The following SLCO1C1 variants were observed in gnomAD, a reference collection of about 807,000 sequenced individuals.
SLCO1C1 encodes OAT-RP-5.
A neutral mutation model predicts 76.4 loss-of-function variants in SLCO1C1; 70 were observed. The ratio of observed to expected loss-of-function variants is 0.92; its 90% CI spans 0.76 to 1.12. The LOEUF is 1.12. SLCO1C1 is among the 50% of genes most tolerant of loss of function. SLCO1C1 has a pLI of 0.00. For missense variants in SLCO1C1, 912 were observed against 823.8 expected, an observed-to-expected ratio of 1.11 and a Z score of -1.31; for synonymous variants, 306 against 286.1, an observed-to-expected ratio of 1.07 and a Z score of -0.70.
Position 20,752,630 on chromosome 12 carries a change from C to T in SLCO1C1, c.*102C>T, listed in dbSNP as rs535936248. On this transcript the variant is annotated 3_prime_UTR_variant, in exon 15 of 15. Coordinates refer to ENST00000266509, the MANE Select transcript of SLCO1C1 (RefSeq NM_017435.5). ...TAAATTTGTAATTTCTTTCTCCTTT[C>T]AAAAAATGTCTACTTTGTTTTGGTC... The T allele has an allele frequency of 1.0e-6, 1 of 956,668 alleles. No individual in the cohort carries two copies. The highest frequency in any genetic ancestry group is 3.0e-5 in the Admixed American group (1 of 32,904). 59.3% of individuals were successfully genotyped at this position (956,668 alleles called of 1,614,324 possible). A position where few individuals can be genotyped will look rare whatever the true frequency, so the allele number is the denominator to read the frequency against.
intron 12 of SLCO1C1, 52 bp downstream of exon 12, chr12:20,740,420 G>C (rs12368368): frequency 0.54 from 809,039 of 1,498,248 alleles, 226,482 homozygotes; most frequent in South Asian, 0.63. Context: ...CAATCATCTC[G>C]AGCAATGATT....
intron 12 of SLCO1C1, among the ~76,000 whole-genome samples, chr12:20,741,525 G>C (rs915619057): frequency 6.6e-6 from 1 of 151,936 alleles, no homozygotes; most frequent in Non-Finnish European, 1.5e-5. Context: ...ACATCACCTG[G>C]GTCAGAATTG....
intron 13 of SLCO1C1, among the ~76,000 whole-genome samples, chr12:20,745,881 A>T (rs2120914451): frequency 6.6e-6 from 1 of 152,252 alleles, no homozygotes; most frequent in South Asian, 2.1e-4. Context: ...AACTTAAAAC[A>T]TCAATATGAA....
Position 20,733,000 on chromosome 12 carries a change from A to G in SLCO1C1, c.1278A>G (p.Lys426=). 1 of 1,613,328 alleles carries G rather than the reference A, an allele frequency of 6.2e-7. No homozygotes were observed. The highest frequency in any genetic ancestry group is 8.5e-7 in the Non-Finnish European group (1 of 1,179,784). ...GAATCAGTGTGTGTGGAGCTGCAAA[A>G]CTCTACTTGGGATCATCTGTCTTTG... The part of the protein sequence containing the change: ...KFRISVCGAA[K]LYLGSSVFGY... Residue 426 remains lysine, a synonymous_variant, in exon 10 of 15, where the codon AAA becomes AAG. Transcript: ENST00000266509.
At chr12:20,702,482 C>A (rs1481242582) in intron 3 of SLCO1C1, among the ~76,000 whole-genome samples, 1 of 151,844 alleles carries the variant, frequency 6.6e-6, no homozygotes, top group Non-Finnish European at 1.5e-5. Flanking sequence ...TTTTAAAAAT[C>A]TTTTTTTAAA....
Position 20,700,794 on chromosome 12 carries a change from A to C in SLCO1C1, c.130-524A>C, listed in dbSNP as rs560035871. Among the ~76,000 whole-genome samples, 3 of 152,236 alleles carry C rather than the reference A, an allele frequency of 2.0e-5. No individual in the cohort carries two copies. In the South Asian group the frequency reaches 6.2e-4, roughly 32 times the overall value. ...ATCAAAGACATGTTTTCCATTGAGAAAAATATTTGACTATGAATTTAATAA... is the reference window on the plus strand; with the variant it reads ...ATCAAAGACATGTTTTCCATTGAGACAAATATTTGACTATGAATTTAATAA... On this transcript the variant is annotated intron_variant, in intron 2 of 14. Coordinates refer to ENST00000266509, the MANE Select transcript of SLCO1C1 (RefSeq NM_017435.5).
intron 4 of SLCO1C1, among the ~76,000 whole-genome samples, chr12:20,707,007 A>T (rs1264959927): frequency 6.6e-6 from 1 of 151,734 alleles, no homozygotes; most frequent in African/African-American, 2.4e-5. Flanking sequence ...TCTAGTCTGA[A>T]CTTTTTCTTG....
chr12:20,747,903 A>T (rs1026063774), intron 13 of SLCO1C1, among the ~76,000 whole-genome samples: 2 of 152,194 alleles, frequency 1.3e-5, no homozygotes, highest in Non-Finnish European at 2.9e-5. Flanking sequence ...ATCAATACAC[A>T]GCTCATCTTA....
chr12:20,732,539 A>G (rs1323928021), intron 9 of SLCO1C1, among the ~76,000 whole-genome samples: 3 of 152,226 alleles, frequency 2.0e-5, no homozygotes, highest in South Asian at 4.1e-4. Context: ...AGACTAAAAA[A>G]TAAGTTTTCT....
chr12:20,706,946 C>G (rs992891610), intron 4 of SLCO1C1, among the ~76,000 whole-genome samples: 2 of 152,160 alleles, frequency 1.3e-5, no homozygotes, highest in African/African-American at 2.4e-5. Context: ...TTATTGTCCA[C>G]TCTAGATCAT....
chr12:20,736,634 T>C (rs898271413), intron 10 of SLCO1C1, among the ~76,000 whole-genome samples: 1 of 152,170 alleles, frequency 6.6e-6, no homozygotes, highest in African/African-American at 2.4e-5. Context: ...ACTGATTGGC[T>C]ATTTTTCCTT....
intron 2 of SLCO1C1, 110 bp downstream of exon 2, chr12:20,699,815 AGATCTTAGATGC>A: frequency 3.4e-6 from 4 of 1,193,208 alleles, no homozygotes; most frequent in Non-Finnish European, 4.5e-6. Context: ...AAAAAAAAAA[AGATCTTAGATGC>A]AATTTACTAA....
intron 6 of SLCO1C1, among the ~76,000 whole-genome samples, chr12:20,716,913 G>A (rs1450555200): frequency 1.3e-5 from 2 of 152,018 alleles, no homozygotes; most frequent in Non-Finnish European, 2.9e-5. Flanking sequence ...TTCTTACTAA[G>A]ACATATTTAA....
At chr12:20,732,456 C>T (rs1268381564) in intron 9 of SLCO1C1, among the ~76,000 whole-genome samples, 10 of 152,036 alleles carry the variant, frequency 6.6e-5, no homozygotes, top group African/African-American at 2.4e-4. Flanking sequence ...AGGAAGGATA[C>T]CACACTCAAA....
rs190598226 is a variant in SLCO1C1 at position 20,724,683 on chromosome 12, T to C, written c.1186+1429T>C. ...AGCTTTTTTCAACTGAAGTGAAATC[T>C]ATGAGATTATTTTATATTGTGCATA... On this transcript the variant is annotated intron_variant, in intron 9 of 14. Coordinates refer to ENST00000266509, the MANE Select transcript of SLCO1C1 (RefSeq NM_017435.5). Among the ~76,000 whole-genome samples, 308 of 148,618 alleles carry C rather than the reference T, an allele frequency of 2.1e-3. 5 individuals carry two copies. The highest frequency in any genetic ancestry group is 0.018 in the Admixed American group (266 of 14,816).
chr12:20,706,947 T>C (rs1946809147), intron 4 of SLCO1C1, among the ~76,000 whole-genome samples: 1 of 152,176 alleles, frequency 6.6e-6, no homozygotes, highest in Admixed American at 6.6e-5. Context: ...TATTGTCCAC[T>C]CTAGATCATT....
chr12:20,716,651 G>A (rs1195414459), intron 6 of SLCO1C1, among the ~76,000 whole-genome samples: 1 of 152,096 alleles, frequency 6.6e-6, no homozygotes, highest in Admixed American at 6.5e-5. Context: ...CTGCATCTGG[G>A]GATCTTTACA....
rs34243130 is a variant in SLCO1C1, at chr12:20,699,612, C to T, written c.36C>T (p.Phe12=). 117,142 of 1,611,938 alleles carry T rather than the reference C, an allele frequency of 0.073. 5,112 individuals carry two copies. The highest frequency in any genetic ancestry group is 0.15 in the Admixed American group (8,698 of 59,686). The change falls in exon 2 of 15, where the codon TTC becomes TTT. Residue 12 remains phenylalanine (F), a synonymous_variant. Transcript: ENST00000266509. ...DTSSKENIQL[F]CKTSVQPVGR... ...CATCCAAAGAAAATATCCAGTTGTT[C>T]TGCAAAACTTCAGTGCAACCTGTTG... is the stretch of plus-strand genomic sequence containing the variant.
intron 3 of SLCO1C1, among the ~76,000 whole-genome samples, chr12:20,703,862 A>G (rs1946642620): frequency 6.6e-6 from 1 of 151,168 alleles, no homozygotes; most frequent in African/African-American, 2.4e-5. Context: ...GTCTTTTCTT[A>G]TATTGTCCTT....
Sources: gnomAD v4.1 joint callset for allele counts (sites outside exome capture counted in the v4.1 genomes callset) on GRCh38, gnomAD v4.1.1 for gene constraint, MANE v1.5 for transcripts, NCBI Gene and HGNC (gene_info 2026-07-23, HGNC 2026-07-21) for gene names.